The following PLEKHA6 variants were observed in gnomAD, a reference collection of about 807,000 sequenced individuals.
The protein encoded by PLEKHA6 is pleckstrin homology domain containing A6, also known as pleckstrin homology domain-containing family A member 6.
PLEKHA6 carries 60 observed loss-of-function variants against 116.7 expected under a neutral mutation model. The observed-to-expected ratio is 0.51, with a 90% confidence interval of 0.42 to 0.64. The LOEUF (loss-of-function observed/expected upper bound fraction) is 0.64, where lower values mean the gene tolerates loss of function less well. PLEKHA6 is among the 30% of genes least tolerant of loss of function. PLEKHA6 has a pLI of 0.00. For synonymous variants in PLEKHA6, 489 were observed against 556.1 expected, an observed-to-expected ratio of 0.88 and a Z score of 1.70; for missense variants, 1,338 against 1,422.7, an observed-to-expected ratio of 0.94 and a Z score of 0.96.
chr1:204,341,899 A>G (rs1484358920), intron 1 of PLEKHA6, among the ~76,000 whole-genome samples: 1 of 152,224 alleles, frequency 6.6e-6, no homozygotes, highest in Non-Finnish European at 1.5e-5. Flanking sequence ...TTTTAAATGC[A>G]TGAGTGGCCG....
At chr1:204,291,080 T>C (rs1403746915) in intron 1 of PLEKHA6, among the ~76,000 whole-genome samples, 3 of 151,206 alleles carry the variant, frequency 2.0e-5, no homozygotes, top group Admixed American at 2.0e-4. Flanking sequence ...CACATAGGAC[T>C]TTTATCTAGA....
At chr1:204,358,568 C>A (rs1437296862) in intron 1 of PLEKHA6, among the ~76,000 whole-genome samples, 4 of 152,206 alleles carry the variant, frequency 2.6e-5, no homozygotes, top group African/African-American at 9.6e-5. Flanking sequence ...CAGCCAGGAC[C>A]CTGCCCCACC....
chr1:204,230,708 C>T (rs749156479), intron 17 of PLEKHA6, 122 bp from the exon 18 acceptor site: 3 of 785,774 alleles, frequency 3.8e-6, no homozygotes, highest in African/African-American at 1.8e-5. Context: ...AAGAGTGGTC[C>T]CCAAAAGATA....
rs77586467 is a variant in PLEKHA6, at chr1:204,281,706, C to T, written c.-94-6897G>A. Among the ~76,000 whole-genome samples the T allele has an allele frequency of 8.5e-5, 13 of 152,302 alleles. No individual in the cohort carries two copies. The East Asian group carries it at 2.5e-3, about 29-fold the overall frequency. ...TGGCTGTCACCCAGCCTTGTATTTG[C>T]TTTCACCTTTCTTCTCTGCCCTTGC... is the stretch of plus-strand genomic sequence containing the variant. On this transcript the variant is annotated intron_variant, in intron 1 of 22. Transcript: ENST00000272203.
chr1:204,236,918 AG>A (rs1269105270), intron 17 of PLEKHA6, among the ~76,000 whole-genome samples: 1 of 152,204 alleles, frequency 6.6e-6, no homozygotes, highest in Non-Finnish European at 1.5e-5. Context: ...GGTCCTCTTG[AG>A]GAAGGACCCC....
intron 1 of PLEKHA6, among the ~76,000 whole-genome samples, chr1:204,321,190 C>T (rs1000368891): frequency 6.6e-6 from 1 of 152,102 alleles, no homozygotes; most frequent in Non-Finnish European, 1.5e-5. Context: ...TCAGGGGAAG[C>T]CAAAGGCACT....
intron 1 of PLEKHA6, among the ~76,000 whole-genome samples, chr1:204,358,703 C>T (rs528081692): frequency 1.3e-5 from 2 of 152,188 alleles, no homozygotes; most frequent in East Asian, 3.9e-4. Context: ...CAGCTCTGAG[C>T]TCCAGCCTCC....
intron 1 of PLEKHA6, chr1:204,326,098 C>A (rs1167548959): frequency 6.4e-6 from 1 of 156,332 alleles, no homozygotes; most frequent in Non-Finnish European, 1.4e-5. Context: ...GTGAGGCAGG[C>A]TCTGAGCACT....
In PLEKHA6 at chr1:204,223,527, G is replaced by T; in HGVS notation, c.3090C>A (p.Asn1030Lys). Reference sequence around the variant, plus strand: ...CCCGTGGGGATTCAGACGACAGGGGGTTTGCTGGAGGAGCCGGGGAAGCAG... The same window carrying T: ...CCCGTGGGGATTCAGACGACAGGGGTTTTGCTGGAGGAGCCGGGGAAGCAG... ...TSPASPAPPA[N>K]PLSSESPRGA... The change falls in exon 22 of 23, where the codon AAC becomes AAA. Residue 1030 changes from asparagine (N) to lysine (K), a missense_variant. By Grantham distance (94) the Asn-to-Lys change is moderately conservative (BLOSUM62 0). Transcript: ENST00000272203. This position sits in a 1 kb window ranked among gnomAD's most constrained non-coding sequence, Gnocchi z 4.8. The T allele has an allele frequency of 1.3e-6, 2 of 1,547,512 alleles. No homozygotes were observed. The highest frequency in any genetic ancestry group is 1.7e-6 in the Non-Finnish European group (2 of 1,144,278).
intron 5 of PLEKHA6, 45 bp downstream of exon 5, chr1:204,267,430 G>C (rs1294868036): frequency 6.5e-7 from 1 of 1,533,876 alleles, no homozygotes; most frequent in South Asian, 1.1e-5. Flanking sequence ...AGAGTAGTGG[G>C]TCCTGGCTTC....
chr1:204,261,916 C>T lies in PLEKHA6; in HGVS notation c.382-468G>A, dbSNP rs1179521055. ...GGAGAGACAGCCAAGCCCCTCTCTG[C>T]AGGCATGCAAAGCAGGCACTGGCAT... On this transcript the variant is annotated intron_variant, in intron 6 of 22. Transcript: ENST00000272203. This position sits in a 1 kb window ranked among gnomAD's most constrained non-coding sequence, Gnocchi z 4.0. The T allele has an allele frequency of 1.5e-5, 3 of 196,616 alleles. No homozygotes were observed. The highest frequency in any genetic ancestry group is 3.1e-5 in the Non-Finnish European group (3 of 97,258). 12.2% of individuals were successfully genotyped at this position (196,616 alleles called of 1,614,324 possible).
chr1:204,220,285 G>A lies in PLEKHA6; in HGVS notation c.*2503C>T, dbSNP rs1193220870. Reference sequence around the variant, plus strand: ...AAACAGTTCCTTCCAGAGGATTCACGCCTGACAACCGCAGAGGGTCATCAG... The same window carrying A: ...AAACAGTTCCTTCCAGAGGATTCACACCTGACAACCGCAGAGGGTCATCAG... On this transcript the variant is annotated 3_prime_UTR_variant, in exon 23 of 23. Transcript: ENST00000272203. 1 of 152,216 alleles carries A rather than the reference G, an allele frequency of 6.6e-6. No homozygotes were observed. Among genetic ancestry groups the A allele is most frequent in the Non-Finnish European group, 1.5e-5 (1 of 68,036 alleles). The allele number at this position is 152,216 out of a possible 1,614,324, so 9.4% of individuals were successfully genotyped here. A position where few individuals can be genotyped will look rare whatever the true frequency, so the allele number is the denominator to read the frequency against.
intron 3 of PLEKHA6, among the ~76,000 whole-genome samples, chr1:204,272,539 A>G (rs570728469): frequency 1.2e-4 from 19 of 152,346 alleles, no homozygotes; most frequent in Non-Finnish European, 1.2e-4. Flanking sequence ...TCAGAAAAGT[A>G]GGGAATAATA....
At position 204,267,561 on chromosome 1, in the gene PLEKHA6, G is replaced by A. The variant is rs373935005; in HGVS notation, c.208-14C>T. ...CCCGGAGCTGGCCTGCGGGACATGG[G>A]AGAGGCAGATGTGAGGGCTGCAAGC... On this transcript the variant is annotated splice_polypyrimidine_tract_variant and intron_variant, in intron 4 of 22. Coordinates refer to ENST00000272203, the MANE Select transcript of PLEKHA6 (RefSeq NM_014935.5). 5.5e-5 allele frequency: 88 copies of A among 1,612,992 alleles called. No individual in the cohort carries two copies. Among genetic ancestry groups the A allele is most frequent in the Non-Finnish European group, 7.1e-5 (84 of 1,179,114 alleles).
At chr1:204,376,668 T>G (rs1673876138) in intron 1 of PLEKHA6, among the ~76,000 whole-genome samples, 1 of 152,204 alleles carries the variant, frequency 6.6e-6, no homozygotes, top group Non-Finnish European at 1.5e-5. Context: ...GATTAACACG[T>G]GGTTTTCTCT....
At chr1:204,249,316 C>T (rs1352537146) in intron 10 of PLEKHA6, 52 bp from the exon 11 acceptor site, 19 of 1,317,976 alleles carry the variant, frequency 1.4e-5, no homozygotes, top group Non-Finnish European at 1.9e-5. Context: ...GGATGAAGGA[C>T]ATAGTTTGAT....
chr1:204,254,165 AC>A (rs1664959178), intron 9 of PLEKHA6, among the ~76,000 whole-genome samples: 1 of 152,136 alleles, frequency 6.6e-6, no homozygotes, highest in African/African-American at 2.4e-5. Flanking sequence ...AGGATCCTGG[AC>A]CTCCCGGCCC....
intron 17 of PLEKHA6, among the ~76,000 whole-genome samples, chr1:204,234,036 C>A (rs922505970): frequency 2.0e-5 from 3 of 152,144 alleles, no homozygotes; most frequent in Admixed American, 6.5e-5. Flanking sequence ...ATGTCCAAGT[C>A]CTAGCCCCCA....
intron 1 of PLEKHA6, among the ~76,000 whole-genome samples, chr1:204,283,300 A>G (rs1256748678): frequency 6.6e-6 from 1 of 152,160 alleles, no homozygotes; most frequent in Admixed American, 6.5e-5. Flanking sequence ...TTGGTTCCCA[A>G]TCCAGCAATT....
Sources: gnomAD v4.1 joint callset for allele counts (sites outside exome capture counted in the v4.1 genomes callset) on GRCh38, gnomAD v4.1.1 for gene constraint, Gnocchi (gnomAD v3.1) non-coding constraint, MANE v1.5 for transcripts, NCBI Gene and HGNC (gene_info 2026-07-23, HGNC 2026-07-21) for gene names.